ZBTB5: variants seen among roughly 807,000 people sequenced by gnomAD.
ZBTB5 encodes the protein zinc finger and BTB domain-containing protein 5.
Under a neutral mutation model 37.9 loss-of-function variants are expected in ZBTB5, and 15 were observed. That is an observed-to-expected ratio of 0.40 (90% CI 0.26 to 0.61). ZBTB5 has a LOEUF of 0.61. Ranked by LOEUF, ZBTB5 falls within the 20% of genes least tolerant of loss-of-function variation. The pLI, the probability that ZBTB5 is intolerant of heterozygous loss-of-function variation, is 0.47. For synonymous variants in ZBTB5, 315 were observed against 312.4 expected, an observed-to-expected ratio of 1.01 and a Z score of -0.09; for missense variants, 708 against 856.8, an observed-to-expected ratio of 0.83 and a Z score of 2.17.
chr9:37,457,079 T>C (rs1245631040), intron 1 of ZBTB5, among the ~76,000 whole-genome samples: 1 of 152,150 alleles, frequency 6.6e-6, no homozygotes, highest in Non-Finnish European at 1.5e-5. Flanking sequence ...TAAATGAAGT[T>C]AAGCTGATAG....
Position 37,438,546 on chromosome 9 carries a change from G to A in ZBTB5, c.*1972C>T, listed in dbSNP as rs1452127189. On this transcript the variant is annotated 3_prime_UTR_variant, in exon 2 of 2. Transcript: ENST00000307750. ...AAAGTCCACTTATGCTTCAGCAGAG[G>A]TAAGCGGGCAGGCTCCTGGCACCAC... The A allele has an allele frequency of 6.6e-6, 1 of 152,250 alleles. No homozygotes were observed. The highest frequency in any genetic ancestry group is 2.4e-5 in the African/African-American group (1 of 41,444). 9.4% of individuals were successfully genotyped at this position (152,250 alleles called of 1,614,324 possible).
rs1359140314 is a variant in ZBTB5, at chr9:37,441,511, G to C, written c.1041C>G (p.Thr347=). The C allele has an allele frequency of 1.2e-6, 2 of 1,612,840 alleles. No individual in the cohort carries two copies. The highest frequency in any genetic ancestry group is 2.2e-5 in the South Asian group (2 of 90,992). Residue 347 remains threonine (T), a synonymous_variant, in exon 2 of 2, where the codon ACC becomes ACG. Transcript: ENST00000307750. ...PEPQDEVSDV[T]SQAEGSESVE... is the part of the protein sequence containing the mutation. ...CAGACTCGCTGCCTTCTGCTTGTGA[G>C]GTCACATCGCTCACTTCATCCTGAG...
In ZBTB5 at chr9:37,440,910, C is replaced by A. The variant is rs781475867; in HGVS notation, c.1642G>T (p.Val548Phe). The A allele has an allele frequency of 1.2e-6, 2 of 1,614,122 alleles. No individual in the cohort carries two copies. The highest frequency in any genetic ancestry group is 2.2e-5 in the East Asian group (1 of 44,884). ...TTTTCTGGGATCTGTGAGCTCCTGA[C>A]GGAAGTTACAACTGGCATTTTGGGA... ...IAPKMPVVTS[V>F]RSSQIPENST... is the part of the protein sequence containing the mutation. The change falls in exon 2 of 2, where the codon GTC becomes TTC. Residue 548 changes from valine (V) to phenylalanine (F), a missense_variant. Around this residue, in one of 3 missense-constraint regions of ZBTB5, gnomAD observed 639 missense variants for 690.5 expected, o/e 0.93. Coordinates refer to ENST00000307750, the MANE Select transcript of ZBTB5 (RefSeq NM_014872.3).
intron 1 of ZBTB5, among the ~76,000 whole-genome samples, chr9:37,450,502 C>T (rs1824083412): frequency 6.6e-6 from 1 of 152,120 alleles, no homozygotes; most frequent in Non-Finnish European, 1.5e-5. Context: ...GGCAGAATTA[C>T]AAGGAGAAAT....
intron 1 of ZBTB5, among the ~76,000 whole-genome samples, chr9:37,452,167 T>C (rs1174088834): frequency 2.6e-5 from 4 of 152,230 alleles, no homozygotes; most frequent in African/African-American, 9.7e-5. Context: ...GTTTAGAGGT[T>C]AGAAGCAAGA....
At position 37,439,115 on chromosome 9, in the gene ZBTB5, TAAACTGACTTCATGAGTTCTAGGG is replaced by T. The variant is rs1204143152; in HGVS notation, c.*1379_*1402del. ...AATGAACTCATGTTCATGCATGAAT[TAAACTGACTTCATGAGTTCTAGGG>T]AGACGCATTAACCTGTGCTGTTCCC... On this transcript the variant is annotated 3_prime_UTR_variant, in exon 2 of 2. Coordinates refer to ENST00000307750, the MANE Select transcript of ZBTB5 (RefSeq NM_014872.3). 2 of 152,264 alleles carry T rather than the reference TAAACTGACTTCATGAGTTCTAGGG, an allele frequency of 1.3e-5. No homozygotes were observed. Among genetic ancestry groups the T allele is most frequent in the African/African-American group, 4.8e-5 (2 of 41,474 alleles). 9.4% of individuals were successfully genotyped at this position (152,264 alleles called of 1,614,324 possible). A position where few individuals can be genotyped will look rare whatever the true frequency, so the allele number is the denominator to read the frequency against.
chr9:37,442,727 G>C (rs1382908520), intron 1 of ZBTB5, among the ~76,000 whole-genome samples, 172 bp from the exon 2 acceptor site: 1 of 152,094 alleles, frequency 6.6e-6, no homozygotes, highest in Non-Finnish European at 1.5e-5. Flanking sequence ...GAAGCAAATG[G>C]CAATTCAGCC....
intron 1 of ZBTB5, among the ~76,000 whole-genome samples, chr9:37,464,908 G>A (rs1824362681): frequency 6.6e-6 from 1 of 152,238 alleles, no homozygotes; most frequent in African/African-American, 2.4e-5. Context: ...CAGGCCGCTG[G>A]TCCTGAGGCC....
In ZBTB5 at chr9:37,441,565, A is replaced by C. The variant is rs758381702; in HGVS notation, c.987T>G (p.Val329=). 3.1e-6 allele frequency: 5 copies of C among 1,612,648 alleles called. No homozygotes were observed. In the South Asian group the frequency reaches 5.5e-5, roughly 18 times the overall value. ...CAGGTGAGCTCAGGGGCTCAGATTTAACCACCACTCTCATGTGCTCCTTCT... is the reference window on the plus strand; with the variant it reads ...CAGGTGAGCTCAGGGGCTCAGATTTCACCACCACTCTCATGTGCTCCTTCT... The part of the protein sequence containing the change: ...LGEKEHMRVV[V]KSEPLSSPEP... Residue 329 remains valine, a synonymous_variant, in exon 2 of 2, where the codon GTT becomes GTG. Transcript: ENST00000307750.
At chr9:37,449,096 A>C (rs1241737455) in intron 1 of ZBTB5, among the ~76,000 whole-genome samples, 1 of 151,394 alleles carries the variant, frequency 6.6e-6, no homozygotes, top group Non-Finnish European at 1.5e-5. Context: ...ATTTTAATAA[A>C]CAACTGGGCC....
chr9:37,464,101 C>A (rs1391781886), intron 1 of ZBTB5, among the ~76,000 whole-genome samples: 1 of 152,192 alleles, frequency 6.6e-6, no homozygotes, highest in Non-Finnish European at 1.5e-5. Flanking sequence ...TTACTGCCAA[C>A]CACCGTCCCC....
At position 37,439,127 on chromosome 9, in the gene ZBTB5, A is replaced by G. The variant is rs1823800803; in HGVS notation, c.*1391T>C. 6.6e-6 allele frequency: 1 copy of G among 152,240 alleles called. No individual in the cohort carries two copies. The highest frequency in any genetic ancestry group is 6.5e-5 in the Admixed American group (1 of 15,286). The allele number at this position is 152,240 out of a possible 1,614,324, so 9.4% of individuals were successfully genotyped here. On this transcript the variant is annotated 3_prime_UTR_variant, in exon 2 of 2. Coordinates refer to ENST00000307750, the MANE Select transcript of ZBTB5 (RefSeq NM_014872.3). ...TTCATGCATGAATTAAACTGACTTC[A>G]TGAGTTCTAGGGAGACGCATTAACC...
Position 37,441,901 on chromosome 9 carries a change from A to G in ZBTB5, c.651T>C (p.Val217=). The G allele has an allele frequency of 6.2e-7, 1 of 1,614,160 alleles. No homozygotes were observed. The highest frequency in any genetic ancestry group is 1.6e-4 in the Middle Eastern group (1 of 6,062). ...CCCCTGAAGGCCCATTCTCCGGTGT[A>G]ACATCTGAAATGGCAGACTCATCTA... ...PSIDESAISD[V]TPENGPSGVH... is the part of the protein sequence containing the mutation. Residue 217 remains valine (V), a synonymous_variant, in exon 2 of 2, where the codon GTT becomes GTC. Coordinates refer to ENST00000307750, the MANE Select transcript of ZBTB5 (RefSeq NM_014872.3).
chr9:37,452,181 G>A (rs1824116427), intron 1 of ZBTB5, among the ~76,000 whole-genome samples: 1 of 152,264 alleles, frequency 6.6e-6, no homozygotes, highest in South Asian at 2.1e-4. Flanking sequence ...AGCAAGATGG[G>A]GTCGGTTAGG....
At chr9:37,460,437 C>T (rs1309139440) in intron 1 of ZBTB5, among the ~76,000 whole-genome samples, 1 of 151,766 alleles carries the variant, frequency 6.6e-6, no homozygotes, top group Admixed American at 6.6e-5. Context: ...TGAACACTCC[C>T]CCCCCAAAAA....
At position 37,440,779 on chromosome 9, in the gene ZBTB5, A is replaced by G. The variant is rs1823851704; in HGVS notation, c.1773T>C (p.Val591=). The G allele has an allele frequency of 6.2e-7, 1 of 1,614,118 alleles. No individual in the cohort carries two copies. Among genetic ancestry groups the G allele is most frequent in the African/African-American group, 1.3e-5 (1 of 74,944 alleles). ...PPQLTRASAD[V]LSKCKKALSE... is the part of the protein sequence containing the mutation. ...ATAAGGCCTTCTTGCACTTTGACAG[A>G]ACATCTGCAGATGCCCTGGTCAACT... Residue 591 remains valine (V), a synonymous_variant, in exon 2 of 2, where the codon GTT becomes GTC. Coordinates refer to ENST00000307750, the MANE Select transcript of ZBTB5 (RefSeq NM_014872.3).
chr9:37,448,979 G>C (rs1359256404), intron 1 of ZBTB5, among the ~76,000 whole-genome samples: 3 of 151,556 alleles, frequency 2.0e-5, no homozygotes, highest in African/African-American at 7.2e-5. Flanking sequence ...AGAAGGCGGA[G>C]AGTGCAGTGA....
At chr9:37,446,002 G>C (rs571493802) in intron 1 of ZBTB5, among the ~76,000 whole-genome samples, 6 of 152,296 alleles carry the variant, frequency 3.9e-5, no homozygotes, top group African/African-American at 1.2e-4. Flanking sequence ...GTGTACTTGG[G>C]AGGCTAAGGT....
At chr9:37,464,011 C>T (rs1824342378) in intron 1 of ZBTB5, among the ~76,000 whole-genome samples, 1 of 152,134 alleles carries the variant, frequency 6.6e-6, no homozygotes, top group Non-Finnish European at 1.5e-5. Context: ...GAAGAGTGAA[C>T]GGTTTCCTTT....
Sources: gnomAD v4.1 joint callset for allele counts (sites outside exome capture counted in the v4.1 genomes callset) on GRCh38, gnomAD v4.1.1 for gene constraint, gnomAD v4.1.1 regional missense constraint, MANE v1.5 for transcripts, NCBI Gene and HGNC (gene_info 2026-07-23, HGNC 2026-07-21) for gene names.